The following DNER variants were observed in gnomAD, a reference collection of about 807,000 sequenced individuals.
DNER encodes delta/notch like EGF repeat containing, also known as delta and Notch-like epidermal growth factor-related receptor.
In DNER, 33 loss-of-function variants were observed where a neutral mutation model predicts 78.2. That is an observed-to-expected ratio of 0.42 (90% CI 0.32 to 0.56). The LOEUF is 0.56. DNER is among the 20% of genes least tolerant of loss of function. The probability of loss-of-function intolerance (pLI) is 0.11; values close to 1 mark genes in which losing one functional copy is unlikely to be tolerated. For missense variants in DNER, 918 were observed against 975.3 expected (o/e 0.94, Z 0.78); for synonymous variants, 417 against 384.8 (o/e 1.08, Z -0.98).
intron 1 of DNER, among the ~76,000 whole-genome samples, chr2:229,627,734 G>C (rs1323048558): frequency 6.6e-6 from 1 of 152,152 alleles, no homozygotes; most frequent in Non-Finnish European, 1.5e-5. Context: ...ACTGTAAGCA[G>C]CAAGTTGTAA....
chr2:229,671,038 T>A (rs1165119744), intron 1 of DNER, among the ~76,000 whole-genome samples: 5 of 152,248 alleles, frequency 3.3e-5, no homozygotes, highest in African/African-American at 1.2e-4. Flanking sequence ...ATTTCCAAAG[T>A]TTTTTTATTA....
chr2:229,619,063 C>T (rs186817983), intron 1 of DNER, among the ~76,000 whole-genome samples: 34 of 152,190 alleles, frequency 2.2e-4, no homozygotes, highest in South Asian at 6.2e-4. Flanking sequence ...GGCTGAAGAT[C>T]GCTTGAGCCA....
At position 229,418,169 on chromosome 2, in the gene DNER, A is replaced by C. The variant is rs755237032; in HGVS notation, c.1548T>G (p.Asn516Lys). 6.2e-7 allele frequency: 1 copy of C among 1,614,196 alleles called. No individual in the cohort carries two copies. Among genetic ancestry groups the C allele is most frequent in the Non-Finnish European group, 8.5e-7 (1 of 1,180,012 alleles). ...YNECLSAPCL[N>K]AATCRDLVNG... ...TAACGAGGTCCCTGCAGGTGGCTGCATTCAGGCATGGAGCGGAGAGGCACT... is the reference window on the plus strand; with the variant it reads ...TAACGAGGTCCCTGCAGGTGGCTGCCTTCAGGCATGGAGCGGAGAGGCACT... The change falls in exon 9 of 13, where the codon AAT becomes AAG. Residue 516 changes from asparagine to lysine, a missense_variant. Physicochemically the swap from Asn to Lys is moderately conservative, Grantham distance 94 (BLOSUM62 0). Transcript: ENST00000341772.
At chr2:229,665,260 T>C (rs1169277026) in intron 1 of DNER, among the ~76,000 whole-genome samples, 2 of 151,950 alleles carry the variant, frequency 1.3e-5, no homozygotes, top group African/African-American at 2.4e-5. Context: ...TCTTGCCAGA[T>C]TGAAGAAACT....
intron 6 of DNER, among the ~76,000 whole-genome samples, chr2:229,489,623 G>C (rs56355151): frequency 0.066 from 10,023 of 152,012 alleles, 476 homozygotes; most frequent in Non-Finnish European, 0.1. Context: ...GTGAAAGGCT[G>C]GGCTAGAAGG....
At chr2:229,427,693 G>A (rs540162872) in intron 8 of DNER, among the ~76,000 whole-genome samples, 1 of 152,236 alleles carries the variant, frequency 6.6e-6, no homozygotes, top group South Asian at 2.1e-4. Context: ...AAAGCTGTGG[G>A]TGCAAAAGAC....
Position 229,591,752 on chromosome 2 carries a change from C to A in DNER, c.413G>T (p.Ser138Ile). 1 of 1,614,154 alleles carries A rather than the reference C, an allele frequency of 6.2e-7. No homozygotes were observed. The highest frequency in any genetic ancestry group is 8.5e-7 in the Non-Finnish European group (1 of 1,180,032). Residue 138 changes from serine (S) to isoleucine (I), a missense_variant, in exon 2 of 13, where the codon AGT becomes ATT. Physicochemically the swap from Ser to Ile is moderately radical, Grantham distance 142 (BLOSUM62 -2). Coordinates refer to ENST00000341772, the MANE Select transcript of DNER (RefSeq NM_139072.4). The surrounding 1 kb of genome is among the most constrained non-coding windows in gnomAD (Gnocchi z 4.6). The stretch of plus-strand genomic sequence containing the variant: ...TTCGGTCCAGCCAGTGGCTGGGAGA[C>A]TGGGAAGTGCCTGTTCACAGTTGGG... ...EGPNCEQALP[S>I]LPATGWTESM...
chr2:229,602,711 T>A (rs1697853511), intron 1 of DNER, among the ~76,000 whole-genome samples: 1 of 152,116 alleles, frequency 6.6e-6, no homozygotes, highest in Non-Finnish European at 1.5e-5. Context: ...TTATAATAGA[T>A]GAAAAAAATT....
intron 7 of DNER, among the ~76,000 whole-genome samples, chr2:229,469,900 C>T (rs974373512): frequency 7.2e-5 from 11 of 152,112 alleles, no homozygotes; most frequent in Non-Finnish European, 1.5e-4. Context: ...GCCAAGATCG[C>T]GCCATTGCAC....
chr2:229,453,619 A>G (rs1280812330), intron 7 of DNER, among the ~76,000 whole-genome samples: 1 of 152,184 alleles, frequency 6.6e-6, no homozygotes, highest in South Asian at 2.1e-4. Flanking sequence ...AACCAAGAGC[A>G]TGTCTCATTG....
chr2:229,570,974 C>T (rs1346189315), intron 4 of DNER, among the ~76,000 whole-genome samples: 5 of 152,092 alleles, frequency 3.3e-5, no homozygotes, highest in African/African-American at 1.2e-4. Flanking sequence ...AAATGAGAGC[C>T]ATTGCAGGAT....
intron 5 of DNER, among the ~76,000 whole-genome samples, chr2:229,525,538 T>C (rs900971483): frequency 6.6e-6 from 1 of 152,200 alleles, no homozygotes; most frequent in African/African-American, 2.4e-5. Context: ...AAAAAAAAAG[T>C]TCTTCAGTAT....
intron 7 of DNER, among the ~76,000 whole-genome samples, chr2:229,465,910 T>C (rs987473303): frequency 2.6e-5 from 4 of 152,162 alleles, no homozygotes; most frequent in African/African-American, 9.6e-5. Flanking sequence ...GTGTAAAACT[T>C]GTCGAAAACT....
At chr2:229,626,773 G>A (rs1029491042) in intron 1 of DNER, among the ~76,000 whole-genome samples, 1 of 152,164 alleles carries the variant, frequency 6.6e-6, no homozygotes, top group Admixed American at 6.5e-5. Context: ...TAAATATCAA[G>A]TCATTTAAGT....
chr2:229,551,865 G>A (rs895153443), intron 4 of DNER, among the ~76,000 whole-genome samples: 1 of 152,162 alleles, frequency 6.6e-6, no homozygotes, highest in South Asian at 2.1e-4. Flanking sequence ...CCGGGAGGCG[G>A]AGGTTGCAGT....
At chr2:229,531,953 T>G (rs1696311956) in intron 5 of DNER, among the ~76,000 whole-genome samples, 1 of 151,884 alleles carries the variant, frequency 6.6e-6, no homozygotes, top group South Asian at 2.1e-4. Flanking sequence ...GAGCAGTAAA[T>G]CCACAGAGAC....
At chr2:229,459,408 G>A (rs1222523130) in intron 7 of DNER, among the ~76,000 whole-genome samples, 2 of 152,092 alleles carry the variant, frequency 1.3e-5, no homozygotes, top group Non-Finnish European at 2.9e-5. Context: ...GAAGAAGAAA[G>A]AAGAGAAATT....
At chr2:229,584,996 TAA>T (rs928045094) in intron 4 of DNER, among the ~76,000 whole-genome samples, 57 of 146,758 alleles carry the variant, frequency 3.9e-4, no homozygotes, top group African/African-American at 1.4e-3. Context: ...CAAGAGAGAG[TAA>T]AAAGTTAGAA....
At chr2:229,453,328 T>C (rs934497909) in intron 7 of DNER, among the ~76,000 whole-genome samples, 2 of 149,634 alleles carry the variant, frequency 1.3e-5, no homozygotes, top group African/African-American at 4.8e-5. Context: ...CAGTGGAAAA[T>C]ACAGGAGGAG....
Sources: allele counts gnomAD v4.1 joint callset (sites outside exome capture counted in the v4.1 genomes callset), GRCh38; gene constraint gnomAD v4.1.1; non-coding constraint Gnocchi (gnomAD v3.1); transcripts MANE v1.5; gene names NCBI Gene and HGNC (gene_info 2026-07-23, HGNC 2026-07-21).